Variants in MAK observed in about 807,000 individuals in gnomAD.
MAK encodes male germ cell associated kinase.
In MAK, 65 loss-of-function variants were observed where a neutral mutation model predicts 82.6. The ratio of observed to expected loss-of-function variants is 0.79; its 90% CI spans 0.64 to 0.97. The LOEUF is 0.97. Ranked by LOEUF, MAK falls within the 50% of genes least tolerant of loss-of-function variation. The probability of loss-of-function intolerance (pLI) is 0.00; values close to 1 mark genes in which losing one functional copy is unlikely to be tolerated. For missense variants in MAK, 703 were observed against 780.2 expected, an observed-to-expected ratio of 0.90 and a Z score of 1.18; for synonymous variants, 250 against 274.2, an observed-to-expected ratio of 0.91 and a Z score of 0.87.
chr6:10,797,293 G>A (rs947569688), intron 8 of MAK, among the ~76,000 whole-genome samples: 2 of 152,170 alleles, frequency 1.3e-5, no homozygotes, highest in African/African-American at 4.8e-5. Flanking sequence ...GCATGAGAGG[G>A]AAAGGACCCC....
intron 12 of MAK, among the ~76,000 whole-genome samples, chr6:10,774,154 T>G (rs1379432987): frequency 6.6e-6 from 1 of 152,196 alleles, no homozygotes; most frequent in East Asian, 1.9e-4. Context: ...AATGTAATCT[T>G]AGGCTTAAAA....
At chr6:10,819,775 T>TA (rs1488500323) in intron 2 of MAK, among the ~76,000 whole-genome samples, 1 of 152,058 alleles carries the variant, frequency 6.6e-6, no homozygotes, top group Non-Finnish European at 1.5e-5. Context: ...CATGTGTTTT[T>TA]ATATGAACAG....
In MAK at chr6:10,813,696, G is replaced by A. The variant is rs1452936169; in HGVS notation, c.306C>T (p.Ile102=). The change falls in exon 5 of 15, where the codon ATC becomes ATT. Residue 102 remains isoleucine, a synonymous_variant. Coordinates refer to ENST00000354489, the MANE Select transcript of MAK (RefSeq NM_001242957.3). ...DRNKLFPESV[I]RNIMYQILQG... ...GCAATATTTGATACATAATATTTCT[G>A]ATGACTGATTCAGGGAACAACTTGT... The A allele has an allele frequency of 1.9e-6, 3 of 1,604,120 alleles. No individual in the cohort carries two copies. The highest frequency in any genetic ancestry group is 1.7e-6 in the Non-Finnish European group (2 of 1,171,258).
chr6:10,775,649 C>T (rs1773398907), intron 11 of MAK, among the ~76,000 whole-genome samples, 190 bp from the exon 12 acceptor site: 2 of 152,162 alleles, frequency 1.3e-5, no homozygotes, highest in East Asian at 3.8e-4. Context: ...AGCACAACCA[C>T]CTGGAATGTT....
chr6:10,821,374 C>G (rs1735756575), intron 2 of MAK, among the ~76,000 whole-genome samples: 1 of 152,204 alleles, frequency 6.6e-6, no homozygotes, highest in African/African-American at 2.4e-5. Flanking sequence ...CTCCCAGGTT[C>G]AAGCGATTCT....
In MAK at chr6:10,775,332, A is replaced by G. The variant is rs754233012; in HGVS notation, c.1593T>C (p.Asn531=). The G allele has an allele frequency of 2.5e-6, 4 of 1,613,406 alleles. No homozygotes were observed. The East Asian group carries it at 8.9e-5, about 36-fold the overall frequency. ...VGAELAFKRS[N]AEESIIKPIE... ...CATTTTGTATTCTTGCGTTACCTGC[A>G]TTGCTCCTTTTGAAAGCAAGTTCTG... Residue 531 remains asparagine (N), a synonymous_variant, in exon 12 of 15, where the codon AAT becomes AAC. Coordinates refer to ENST00000354489, the MANE Select transcript of MAK (RefSeq NM_001242957.3).
chr6:10,824,450 C>T (rs1349407357), intron 2 of MAK, among the ~76,000 whole-genome samples: 1 of 152,150 alleles, frequency 6.6e-6, no homozygotes, highest in Non-Finnish European at 1.5e-5. Flanking sequence ...CCTCCTCATC[C>T]AGCTTGGCCC....
At chr6:10,816,117 T>TG (rs1478820872) in intron 4 of MAK, among the ~76,000 whole-genome samples, 1 of 151,550 alleles carries the variant, frequency 6.6e-6, no homozygotes, top group Non-Finnish European at 1.5e-5. Flanking sequence ...GCAATTCTTC[T>TG]GTCTTACCTT....
chr6:10,784,628 A>G (rs1774348283), intron 10 of MAK, 56 bp from the exon 11 acceptor site: 1 of 1,474,062 alleles, frequency 6.8e-7, no homozygotes, highest in Admixed American at 1.7e-5. Flanking sequence ...GATCTCGCCC[A>G]CCCTCTGCAC....
At position 10,796,162 on chromosome 6, in the gene MAK, T is replaced by C; in HGVS notation, c.979A>G (p.Ile327Val). The C allele has an allele frequency of 6.2e-7, 1 of 1,614,214 alleles. No individual in the cohort carries two copies. The highest frequency in any genetic ancestry group is 8.5e-7 in the Non-Finnish European group (1 of 1,180,030). Residue 327 changes from isoleucine to valine, a missense_variant, in exon 9 of 15, where the codon ATA (isoleucine) becomes GTA (valine). Ile to Val is a conservative substitution (Grantham distance 29, BLOSUM62 3). Coordinates refer to ENST00000354489, the MANE Select transcript of MAK (RefSeq NM_001242957.3). Reference sequence around the variant, plus strand: ...GGTTGTCCAACAACCTGATCGATTATATCCGGCAGAGGCTTAGGCTCTACC... The same window carrying C: ...GGTTGTCCAACAACCTGATCGATTACATCCGGCAGAGGCTTAGGCTCTACC... ...VEVEPKPLPD[I>V]IDQVVGQPQP...
At chr6:10,769,674 A>G (rs138210006) in intron 14 of MAK, among the ~76,000 whole-genome samples, 1 of 152,290 alleles carries the variant, frequency 6.6e-6, no homozygotes, top group African/African-American at 2.4e-5. Context: ...GGCTCTGGAA[A>G]AGGCATTTTC....
Position 10,779,433 on chromosome 6 carries a change from C to T in MAK, c.1466-3974G>A, listed in dbSNP as rs184118341. 4.9e-4 allele frequency: 480 copies of T among 985,180 alleles called. 6 individuals carry two copies. The Admixed American group carries it at 0.024, about 50-fold the overall frequency. 61.0% of individuals were successfully genotyped at this position (985,180 alleles called of 1,614,324 possible). A position where few individuals can be genotyped will look rare whatever the true frequency, so the allele number is the denominator to read the frequency against. Reference sequence around the variant, plus strand: ...AGCAGGTCAGTAACTATGACTCTTGCGTCTCTTTCCCTGAAGGCCAGTGTC... The same window carrying T: ...AGCAGGTCAGTAACTATGACTCTTGTGTCTCTTTCCCTGAAGGCCAGTGTC... On this transcript the variant is annotated intron_variant, in intron 11 of 14. Coordinates refer to ENST00000354489, the MANE Select transcript of MAK (RefSeq NM_001242957.3).
intron 11 of MAK, 132 bp from the exon 12 acceptor site, chr6:10,775,591 T>A: frequency 1.0e-6 from 1 of 997,338 alleles, no homozygotes; most frequent in Non-Finnish European, 1.5e-6. Context: ...GGTGAAAATG[T>A]AGCAGATACT....
chr6:10,791,458 G>C (rs1394591648), intron 10 of MAK, among the ~76,000 whole-genome samples: 2 of 151,940 alleles, frequency 1.3e-5, no homozygotes, highest in South Asian at 2.1e-4. Context: ...GTAGAGACGG[G>C]GTTTCACCAT....
At chr6:10,778,364 T>A (rs527697600) in intron 11 of MAK, among the ~76,000 whole-genome samples, 2 of 152,320 alleles carry the variant, frequency 1.3e-5, no homozygotes, top group East Asian at 3.9e-4. Flanking sequence ...ACTCAGCCAG[T>A]CTTTCTTTCA....
In MAK at chr6:10,831,610, T is replaced by G. The variant is rs1024939940; in HGVS notation, c.-229-733A>C. On this transcript the variant is annotated intron_variant, in intron 1 of 14. Coordinates refer to ENST00000354489, the MANE Select transcript of MAK (RefSeq NM_001242957.3). ...CAAAAACTAAAAAACTAGCTGGACT[T>G]GATGGCACGCTTGTAGTCCCAGCTA... is the stretch of plus-strand genomic sequence containing the variant. Among the ~76,000 whole-genome samples, 11 of 151,914 alleles carry G rather than the reference T, an allele frequency of 7.2e-5. No individual in the cohort carries two copies. In the East Asian group the frequency reaches 1.4e-3, roughly 19 times the overall value.
chr6:10,773,248 C>T, intron 12 of MAK, 140 bp from the exon 13 acceptor site: 1 of 517,106 alleles, frequency 1.9e-6, no homozygotes, highest in Non-Finnish European at 3.4e-6. Context: ...ATTGTTGTCA[C>T]AGCATTTATT....
At chr6:10,797,021 T>C (rs760502891) in intron 8 of MAK, among the ~76,000 whole-genome samples, 3 of 152,110 alleles carry the variant, frequency 2.0e-5, no homozygotes, top group Non-Finnish European at 4.4e-5. Context: ...AAAAAGTGAA[T>C]TAAGAAAATC....
At chr6:10,807,192 G>A (rs561513311) in intron 6 of MAK, among the ~76,000 whole-genome samples, 92 of 151,886 alleles carry the variant, frequency 6.1e-4, no homozygotes, top group Non-Finnish European at 1.1e-3. Context: ...AATCCTGCTG[G>A]CCCTGGCATC....
Sources: allele counts gnomAD v4.1 joint callset (sites outside exome capture counted in the v4.1 genomes callset), GRCh38; gene constraint gnomAD v4.1.1; transcripts MANE v1.5; gene names NCBI Gene and HGNC (gene_info 2026-07-23, HGNC 2026-07-21).